Variants in SLC24A2 observed in about 807,000 individuals in gnomAD.
SLC24A2 encodes the protein sodium/potassium/calcium exchanger 2.
Under a neutral mutation model 62.0 loss-of-function variants are expected in SLC24A2, and 36 were observed. The observed-to-expected ratio is 0.58, with a 90% CI of 0.44 to 0.77. The LOEUF (loss-of-function observed/expected upper bound fraction) is 0.77. SLC24A2 is among the 30% of genes least tolerant of loss of function. SLC24A2 has a pLI of 0.00. For synonymous variants in SLC24A2, 358 were observed against 294.0 expected, an observed-to-expected ratio of 1.22 and a Z score of -2.23; for missense variants, 846 against 817.9, an observed-to-expected ratio of 1.03 and a Z score of -0.42.
At chr9:19,652,912 G>A (rs758651326) in intron 2 of SLC24A2, among the ~76,000 whole-genome samples, 4 of 151,054 alleles carry the variant, frequency 2.6e-5, no homozygotes, top group Non-Finnish European at 4.4e-5. Context: ...TGAGCAGAAC[G>A]ATGAGACAAA....
At chr9:20,185,421 T>C in the SLC24A2 span, among the ~76,000 whole-genome samples, 1 of 151,768 alleles carries the variant, frequency 6.6e-6, no homozygotes, top group Non-Finnish European at 1.5e-5. Context: ...ATCCCAGCAC[T>C]TTGGGAGGCC....
At chr9:19,746,738 C>G (rs1367365500) in intron 2 of SLC24A2, among the ~76,000 whole-genome samples, 1 of 152,100 alleles carries the variant, frequency 6.6e-6, no homozygotes, top group Non-Finnish European at 1.5e-5. Flanking sequence ...GCAGGCCAAA[C>G]TAAGTGCTAT....
chr9:19,788,674 C>T, intron 1 of SLC24A2: 1 of 985,250 alleles, frequency 1.0e-6, no homozygotes, highest in Non-Finnish European at 1.2e-6. Flanking sequence ...CCATCCCAAG[C>T]CAAAAGCAAG....
At chr9:19,584,158 A>C (rs1244553770) in intron 5 of SLC24A2, among the ~76,000 whole-genome samples, 1 of 151,674 alleles carries the variant, frequency 6.6e-6, no homozygotes, top group Non-Finnish European at 1.5e-5. Flanking sequence ...ATCATGCCTC[A>C]CCCATCACAG....
chr9:20,156,940 G>T, the SLC24A2 span, among the ~76,000 whole-genome samples: 1,740 of 151,766 alleles, frequency 0.011, 38 homozygotes, highest in African/African-American at 0.04. Context: ...AGTTGTAATT[G>T]GTTTTCCAAT....
the SLC24A2 span, among the ~76,000 whole-genome samples, chr9:20,101,399 TTC>T: frequency 6.6e-6 from 1 of 152,256 alleles, no homozygotes; most frequent in Non-Finnish European, 1.5e-5. Context: ...TGCTGGTACT[TTC>T]TATATAGTGT....
the SLC24A2 span, among the ~76,000 whole-genome samples, chr9:20,300,472 T>C: frequency 6.6e-6 from 1 of 152,224 alleles, no homozygotes; most frequent in African/African-American, 2.4e-5. Context: ...CCATAGACTC[T>C]TACTATTCTC....
chr9:20,015,442 T>G, the SLC24A2 span, among the ~76,000 whole-genome samples: 1 of 152,196 alleles, frequency 6.6e-6, no homozygotes, highest in Non-Finnish European at 1.5e-5. Flanking sequence ...ATTGTTGAGT[T>G]GTGTAAAATC....
At chr9:19,816,823 C>G in the SLC24A2 span, among the ~76,000 whole-genome samples, 1 of 151,952 alleles carries the variant, frequency 6.6e-6, no homozygotes, top group Non-Finnish European at 1.5e-5. Flanking sequence ...CTAAACCATT[C>G]ATGAGAAACT....
At chr9:20,256,842 C>T in the SLC24A2 span, among the ~76,000 whole-genome samples, 41 of 151,646 alleles carry the variant, frequency 2.7e-4, no homozygotes, top group African/African-American at 9.7e-4. Context: ...CCTGCCATGC[C>T]CATTGAGCAT....
chr9:19,910,310 C>G, the SLC24A2 span, among the ~76,000 whole-genome samples: 186 of 152,208 alleles, frequency 1.2e-3, no homozygotes, highest in Non-Finnish European at 2.4e-3. Flanking sequence ...TAAAAATTTT[C>G]AAAATAATTC....
the SLC24A2 span, among the ~76,000 whole-genome samples, chr9:20,196,399 T>G: frequency 6.6e-6 from 1 of 152,224 alleles, no homozygotes; most frequent in Non-Finnish European, 1.5e-5. Flanking sequence ...AGTTTCAAAA[T>G]AATGCCACAT....
chr9:20,209,460 C>G, the SLC24A2 span, among the ~76,000 whole-genome samples: 3 of 152,284 alleles, frequency 2.0e-5, no homozygotes, highest in East Asian at 5.8e-4. Flanking sequence ...ATCTGAAACA[C>G]AGTGCTAAAC....
rs1832835589 is a variant in SLC24A2 at position 19,514,033 on chromosome 9, A to C, written c.*2120T>G. 1.3e-5 allele frequency: 2 copies of C among 152,286 alleles called. No individual in the cohort carries two copies. Among genetic ancestry groups the C allele is most frequent in the South Asian group, 2.1e-4 (1 of 4,810 alleles). The allele number at this position is 152,286 out of a possible 1,614,324, so 9.4% of individuals were successfully genotyped here. Reference sequence around the variant, plus strand: ...CACATCTGAAGACCCCAATCTGCCGAGTTGGAGAGACTTGAAAGCCAGCCT... The same window carrying C: ...CACATCTGAAGACCCCAATCTGCCGCGTTGGAGAGACTTGAAAGCCAGCCT... On this transcript the variant is annotated 3_prime_UTR_variant, in exon 11 of 11. Coordinates refer to ENST00000341998, the MANE Select transcript of SLC24A2 (RefSeq NM_020344.4).
the SLC24A2 span, among the ~76,000 whole-genome samples, chr9:19,842,959 GT>G: frequency 4.6e-5 from 7 of 152,066 alleles, no homozygotes; most frequent in African/African-American, 1.4e-4. Context: ...TGTTTTCAAT[GT>G]TTAGATTTTA....
At chr9:20,101,746 T>G in the SLC24A2 span, among the ~76,000 whole-genome samples, 13 of 151,704 alleles carry the variant, frequency 8.6e-5, no homozygotes, top group Non-Finnish European at 1.5e-4. Flanking sequence ...GAAAAAAATG[T>G]TTTTTTTAAG....
the SLC24A2 span, among the ~76,000 whole-genome samples, chr9:20,045,439 C>T: frequency 1.0e-3 from 159 of 151,822 alleles, no homozygotes; most frequent in Admixed American, 3.7e-3. Context: ...TTATTATTAT[C>T]ATTATTTTTC....
Position 19,508,485 on chromosome 9 carries a change from T to C in SLC24A2, c.*7668A>G, listed in dbSNP as rs1438880223. ...TAGACTATTAAGTGCTTTTTAGTAA[T>C]TACTTTTACTCAAATTACATAAAAG... is the stretch of plus-strand genomic sequence containing the variant. On this transcript the variant is annotated 3_prime_UTR_variant, in exon 11 of 11. Transcript: ENST00000341998. 6.6e-6 allele frequency: 1 copy of C among 152,190 alleles called. No homozygotes were observed. The highest frequency in any genetic ancestry group is 1.5e-5 in the Non-Finnish European group (1 of 68,028). The allele number at this position is 152,190 out of a possible 1,614,324, so 9.4% of individuals were successfully genotyped here.
the SLC24A2 span, among the ~76,000 whole-genome samples, chr9:20,227,867 C>T: frequency 6.6e-6 from 1 of 152,142 alleles, no homozygotes; most frequent in African/African-American, 2.4e-5. Flanking sequence ...GTCTGAAATA[C>T]ATATTTTCTT....
Sources: allele counts gnomAD v4.1 joint callset (sites outside exome capture counted in the v4.1 genomes callset), GRCh38; gene constraint gnomAD v4.1.1; transcripts MANE v1.5; gene names NCBI Gene and HGNC (gene_info 2026-07-23, HGNC 2026-07-21).